RPTOR: variants seen among roughly 807,000 people sequenced by gnomAD.
RPTOR encodes regulatory-associated protein of mTOR.
Under a neutral mutation model 169.9 loss-of-function variants are expected in RPTOR, and 21 were observed. The observed-to-expected ratio is 0.12, with a 90% CI of 0.09 to 0.18. The LOEUF (loss-of-function observed/expected upper bound fraction) is 0.18, where lower values mean the gene tolerates loss of function less well. RPTOR is among the 10% of genes least tolerant of loss of function. The pLI is 1.00. For missense variants in RPTOR, 1,133 were observed against 1,855.9 expected (o/e 0.61, Z 7.16); for synonymous variants, 732 against 753.2 (o/e 0.97, Z 0.46).
At chr17:80,637,886 G>A (rs573431935) in intron 2 of RPTOR, among the ~76,000 whole-genome samples, 3 of 152,368 alleles carry the variant, frequency 2.0e-5, no homozygotes, top group South Asian at 2.1e-4. Flanking sequence ...CCTTGGCGGC[G>A]GCTCGTGGGT....
chr17:80,603,537 C>G (rs1159081868), intron 1 of RPTOR, among the ~76,000 whole-genome samples: 1 of 152,202 alleles, frequency 6.6e-6, no homozygotes, highest in Admixed American at 6.5e-5. Flanking sequence ...GTCCCCAAGA[C>G]CACTTCCTGC....
rs539577546 is a variant in RPTOR at position 80,819,898 on chromosome 17, C to T, written c.891-2303C>T. Among the ~76,000 whole-genome samples the T allele has an allele frequency of 1.6e-4, 24 of 152,328 alleles. No homozygotes were observed. In the East Asian group the frequency reaches 4.0e-3, roughly 26 times the overall value. On this transcript the variant is annotated intron_variant, in intron 7 of 33. Coordinates refer to ENST00000306801, the MANE Select transcript of RPTOR (RefSeq NM_020761.3). ...AGTGCTCCAGGCACGTTGTTACAGT[C>T]GTGCTGGGAGGGTAACATGTCTGAA...
chr17:80,770,214 C>G (rs1183183136), intron 6 of RPTOR, among the ~76,000 whole-genome samples: 1 of 152,166 alleles, frequency 6.6e-6, no homozygotes, highest in African/African-American at 2.4e-5. Flanking sequence ...CTCCAGCACC[C>G]CCGCCTTAAA....
chr17:80,906,664 A>T (rs1598393602), intron 20 of RPTOR, among the ~76,000 whole-genome samples: 1 of 152,206 alleles, frequency 6.6e-6, no homozygotes, highest in Non-Finnish European at 1.5e-5. Context: ...CTGTGAGGTG[A>T]GACATGTCAG....
intron 3 of RPTOR, 79 bp downstream of exon 3, chr17:80,643,889 C>G: frequency 8.7e-7 from 1 of 1,150,498 alleles, no homozygotes; most frequent in Non-Finnish European, 1.3e-6. Context: ...CTCTTTGGAT[C>G]CAAGTGAGAA....
In RPTOR at chr17:80,945,206, G is replaced by T. The variant is rs1332719482; in HGVS notation, c.3026-461G>T. 2.0e-5 allele frequency among the ~76,000 whole-genome samples: 3 copies of T among 152,118 alleles called. No homozygotes were observed. In the East Asian group the frequency reaches 5.8e-4, roughly 29 times the overall value. On this transcript the variant is annotated intron_variant, in intron 25 of 33. Transcript: ENST00000306801. ...GCTACATGCAGAGTTGAGGCGGGAG[G>T]ATCACTTGAGCAGGAGGTGGAAGCT... is the stretch of plus-strand genomic sequence containing the variant.
chr17:80,770,276 C>T (rs538097198), intron 6 of RPTOR, among the ~76,000 whole-genome samples: 22 of 152,356 alleles, frequency 1.4e-4, no homozygotes, highest in Non-Finnish European at 8.8e-5. Flanking sequence ...ATGTAACCGT[C>T]ATCTAAAGCC....
chr17:80,834,753 C>A (rs1302099634), intron 9 of RPTOR, among the ~76,000 whole-genome samples: 1 of 152,214 alleles, frequency 6.6e-6, no homozygotes, highest in African/African-American at 2.4e-5. Context: ...CCTTGGAGAA[C>A]GTGCGAATAG....
At chr17:80,644,254 T>A (rs2065575756) in intron 3 of RPTOR, among the ~76,000 whole-genome samples, 1 of 151,324 alleles carries the variant, frequency 6.6e-6, no homozygotes, top group Non-Finnish European at 1.5e-5. Context: ...GCTTTGCCTT[T>A]GATTCAAAAG....
At chr17:80,685,302 G>A (rs969436634) in intron 3 of RPTOR, among the ~76,000 whole-genome samples, 4 of 151,576 alleles carry the variant, frequency 2.6e-5, no homozygotes, top group Non-Finnish European at 5.9e-5. Flanking sequence ...GTGAGTTGAG[G>A]TATTGCTCTG....
intron 1 of RPTOR, among the ~76,000 whole-genome samples, chr17:80,613,077 C>G (rs2065282636): frequency 6.6e-6 from 1 of 152,178 alleles, no homozygotes; most frequent in Non-Finnish European, 1.5e-5. Flanking sequence ...GGCCCCCCTG[C>G]CCTGGTGTGA....
At chr17:80,671,331 T>A (rs1024156933) in intron 3 of RPTOR, among the ~76,000 whole-genome samples, 1 of 151,904 alleles carries the variant, frequency 6.6e-6, no homozygotes, top group Non-Finnish European at 1.5e-5. Context: ...AGAGAGAGAG[T>A]GTGTTCCTGC....
chr17:80,758,678 T>C (rs1013053400), intron 6 of RPTOR, among the ~76,000 whole-genome samples: 1 of 152,026 alleles, frequency 6.6e-6, no homozygotes, highest in African/African-American at 2.4e-5. Context: ...ATTTCTCCCA[T>C]GTTCCCGTCC....
chr17:80,694,432 A>G (rs922305370), intron 3 of RPTOR, among the ~76,000 whole-genome samples: 24 of 152,232 alleles, frequency 1.6e-4, no homozygotes, highest in African/African-American at 5.8e-4. Context: ...CCACAGTCGC[A>G]CAATCTCTCA....
rs541304567 is a variant in RPTOR, at chr17:80,845,054, C to T, written c.1213-1419C>T. 6.6e-5 allele frequency among the ~76,000 whole-genome samples: 10 copies of T among 151,982 alleles called. No homozygotes were observed. The South Asian group carries it at 8.3e-4, about 13-fold the overall frequency. ...TGTGTGTTAAGTGGAAGTGACTCTC[C>T]GTGGAGGGAATCAGGCCGGACTGCT... On this transcript the variant is annotated intron_variant, in intron 10 of 33. Transcript: ENST00000306801. The surrounding 1 kb of genome is among the most constrained non-coding windows in gnomAD (Gnocchi z 5.4).
At position 80,643,823 on chromosome 17, in the gene RPTOR, C is replaced by T. The variant is rs528530510; in HGVS notation, c.348+13C>T. Reference sequence around the variant, plus strand: ...CTGGCAGCCAAGGGTAAGTGTGCTTCACTTGCTCTTCCCTTTCCTTCTTAC... The same window carrying T: ...CTGGCAGCCAAGGGTAAGTGTGCTTTACTTGCTCTTCCCTTTCCTTCTTAC... On this transcript the variant is annotated intron_variant, in intron 3 of 33. Coordinates refer to ENST00000306801, the MANE Select transcript of RPTOR (RefSeq NM_020761.3). 6.7e-5 allele frequency: 107 copies of T among 1,597,212 alleles called. No individual in the cohort carries two copies. In the South Asian group the frequency reaches 1.1e-3, roughly 16 times the overall value.
At chr17:80,911,738 T>C (rs2068615478) in intron 21 of RPTOR, among the ~76,000 whole-genome samples, 2 of 152,206 alleles carry the variant, frequency 1.3e-5, no homozygotes, top group African/African-American at 2.4e-5. Context: ...TGAGCTATGA[T>C]TGTGCCACTG....
intron 17 of RPTOR, 36 bp downstream of exon 17, chr17:80,885,184 C>A: frequency 6.5e-7 from 1 of 1,543,906 alleles, no homozygotes; most frequent in Non-Finnish European, 8.7e-7. Context: ...AGCAGGGCAC[C>A]CAGGCTGGAC....
chr17:80,731,454 C>T (rs749163518), intron 5 of RPTOR, among the ~76,000 whole-genome samples: 5 of 151,780 alleles, frequency 3.3e-5, no homozygotes, highest in Admixed American at 6.6e-5. Context: ...AGAAAACAAA[C>T]GAAAACAGCT....
Sources: allele counts gnomAD v4.1 joint callset (sites outside exome capture counted in the v4.1 genomes callset), GRCh38; gene constraint gnomAD v4.1.1; non-coding constraint Gnocchi (gnomAD v3.1); transcripts MANE v1.5; gene names NCBI Gene and HGNC (gene_info 2026-07-23, HGNC 2026-07-21).